DGKB: variants seen among roughly 807,000 people sequenced by gnomAD.
DGKB encodes 90 kDa diacylglycerol kinase.
DGKB carries 67 observed loss-of-function variants against 114.3 expected under a neutral mutation model. The ratio of observed to expected loss-of-function variants is 0.59; its 90% CI spans 0.48 to 0.72. The LOEUF (loss-of-function observed/expected upper bound fraction) is 0.72, where lower values mean the gene tolerates loss of function less well. Among genes scored for constraint, DGKB ranks in the 30% least tolerant of loss-of-function variants. The pLI, the probability that DGKB is intolerant of heterozygous loss-of-function variation, is 0.00. For synonymous variants in DGKB, 398 were observed against 323.1 expected (o/e 1.23, Z -2.49); for missense variants, 907 against 975.2 (o/e 0.93, Z 0.93).
At position 14,866,352 on chromosome 7, in the gene DGKB, T is replaced by A. The variant is rs1266532852; in HGVS notation, c.-187-24902A>T. ...AAATGTATAATGACATGTTCTTCAT[T>A]TTATAGAGTAGTTTTATTGCCTTAA... is the stretch of plus-strand genomic sequence containing the variant. On this transcript the variant is annotated intron_variant, in intron 1 of 25. Transcript: ENST00000402815. Among the ~76,000 whole-genome samples, 4 of 152,126 alleles carry A rather than the reference T, an allele frequency of 2.6e-5. No homozygotes were observed. In the East Asian group the frequency reaches 7.7e-4, roughly 29 times the overall value.
chr7:14,668,394 C>G (rs975085777), intron 13 of DGKB, among the ~76,000 whole-genome samples: 4 of 152,080 alleles, frequency 2.6e-5, no homozygotes, highest in Non-Finnish European at 5.9e-5. Flanking sequence ...TAAAATCTCT[C>G]TATTGGGATT....
chr7:14,716,404 G>T (rs949722863), intron 6 of DGKB, among the ~76,000 whole-genome samples: 1 of 152,158 alleles, frequency 6.6e-6, no homozygotes, highest in Non-Finnish European at 1.5e-5. Flanking sequence ...CTGGAAGTAT[G>T]AGCCAAATTC....
At chr7:14,488,893 T>C (rs1157307106) in intron 20 of DGKB, among the ~76,000 whole-genome samples, 2 of 150,932 alleles carry the variant, frequency 1.3e-5, no homozygotes, top group African/African-American at 4.9e-5. Flanking sequence ...ACAAAAATTA[T>C]TTTCTAGAAA....
At chr7:14,349,519 A>C (rs2128602893) in intron 21 of DGKB, among the ~76,000 whole-genome samples, 1 of 152,272 alleles carries the variant, frequency 6.6e-6, no homozygotes, top group East Asian at 1.9e-4. Flanking sequence ...ACTTTAGCAA[A>C]CATATCACAA....
chr7:14,324,137 C>G (rs529073309), intron 23 of DGKB, among the ~76,000 whole-genome samples: 2 of 152,090 alleles, frequency 1.3e-5, no homozygotes, highest in African/African-American at 4.8e-5. Flanking sequence ...AAGAGCTATA[C>G]GCAAATTTTA....
chr7:14,243,825 T>C (rs989695742), intron 23 of DGKB, among the ~76,000 whole-genome samples: 5 of 151,938 alleles, frequency 3.3e-5, no homozygotes, highest in Admixed American at 2.0e-4. Context: ...CTTTGTTTTT[T>C]CTATTTCTAC....
chr7:14,495,852 C>T (rs879351722), intron 20 of DGKB, among the ~76,000 whole-genome samples: 2 of 151,562 alleles, frequency 1.3e-5, no homozygotes, highest in African/African-American at 2.4e-5. Context: ...ATGTGAGTTG[C>T]GTATTATTGA....
chr7:14,466,355 G>A (rs779711572), intron 21 of DGKB, among the ~76,000 whole-genome samples: 16 of 152,158 alleles, frequency 1.1e-4, no homozygotes, highest in Non-Finnish European at 1.9e-4. Flanking sequence ...TCAAGAGATC[G>A]AGACAATCCT....
At position 14,938,123 on chromosome 7, in the gene DGKB, A is replaced by G. The variant is rs1399478878; in HGVS notation, c.-188+36573T>C. Among the ~76,000 whole-genome samples, 4 of 152,234 alleles carry G rather than the reference A, an allele frequency of 2.6e-5. No individual in the cohort carries two copies. The South Asian group carries it at 8.3e-4, about 31-fold the overall frequency. On this transcript the variant is annotated intron_variant, in intron 1 of 4. Transcript: ENST00000437998. The stretch of plus-strand genomic sequence containing the variant: ...GTGCATACAAATACACAAGTATTTA[A>G]GCAGGTACACATCTCTGTGTGTGCC...
At chr7:14,170,740 T>G (rs1200030074) in intron 25 of DGKB, among the ~76,000 whole-genome samples, 1 of 152,210 alleles carries the variant, frequency 6.6e-6, no homozygotes, top group Non-Finnish European at 1.5e-5. Flanking sequence ...TCCAGAATAC[T>G]GTTTTTCTTT....
At chr7:14,362,742 T>C (rs1459469448) in intron 21 of DGKB, among the ~76,000 whole-genome samples, 1 of 152,260 alleles carries the variant, frequency 6.6e-6, no homozygotes, top group East Asian at 1.9e-4. Flanking sequence ...GATATTATTA[T>C]ATTATTTTGT....
At chr7:14,161,654 C>G in intron 25 of DGKB, among the ~76,000 whole-genome samples, 1 of 150,392 alleles carries the variant, frequency 6.6e-6, no homozygotes, top group East Asian at 2.0e-4. Flanking sequence ...TATCACACAC[C>G]AGGGCCTGTT....
chr7:14,817,774 T>C (rs150731846), intron 2 of DGKB, among the ~76,000 whole-genome samples: 1 of 152,336 alleles, frequency 6.6e-6, no homozygotes, highest in East Asian at 1.9e-4. Flanking sequence ...TTAGTGTCTA[T>C]TTCCATATCC....
At chr7:14,236,142 C>T (rs1424603164) in intron 23 of DGKB, among the ~76,000 whole-genome samples, 1 of 151,938 alleles carries the variant, frequency 6.6e-6, no homozygotes, top group Non-Finnish European at 1.5e-5. Context: ...CTTGCAGTTA[C>T]AGGCTTTTCA....
At chr7:14,704,458 A>AAAG (rs1554610473) in intron 6 of DGKB, among the ~76,000 whole-genome samples, 27 of 149,986 alleles carry the variant, frequency 1.8e-4, no homozygotes, top group African/African-American at 6.8e-4. Flanking sequence ...AAAAAAAAAA[A>AAAG]AAAAAAGAAA....
At chr7:14,579,467 C>T (rs1273875885) in intron 19 of DGKB, among the ~76,000 whole-genome samples, 1 of 152,152 alleles carries the variant, frequency 6.6e-6, no homozygotes, top group Non-Finnish European at 1.5e-5. Flanking sequence ...TCATATACAT[C>T]AAATATATGT....
At chr7:14,231,101 T>TTC (rs1439454143) in intron 23 of DGKB, among the ~76,000 whole-genome samples, 1 of 117,688 alleles carries the variant, frequency 8.5e-6, no homozygotes, top group South Asian at 3.0e-4. Context: ...CTTTCTTTCT[T>TTC]TCTTTCTTTC....
At chr7:14,459,671 C>T (rs942582281) in intron 21 of DGKB, among the ~76,000 whole-genome samples, 2 of 152,206 alleles carry the variant, frequency 1.3e-5, no homozygotes, top group African/African-American at 4.8e-5. Context: ...GAAAAACACT[C>T]TTCAGGATAT....
intron 13 of DGKB, among the ~76,000 whole-genome samples, chr7:14,657,646 A>G (rs1439903040): frequency 6.6e-6 from 1 of 151,956 alleles, no homozygotes; most frequent in Non-Finnish European, 1.5e-5. Flanking sequence ...GATGTGAAAT[A>G]AAAGCTGAAG....
Sources: allele counts gnomAD v4.1 joint callset (sites outside exome capture counted in the v4.1 genomes callset), GRCh38; gene constraint gnomAD v4.1.1; transcripts MANE v1.5; gene names NCBI Gene and HGNC (gene_info 2026-07-23, HGNC 2026-07-21).